HIBADH: variants seen among roughly 807,000 people sequenced by gnomAD.
The protein encoded by HIBADH is 3-hydroxyisobutyrate dehydrogenase, mitochondrial.
In HIBADH, 25 loss-of-function variants were observed where a neutral mutation model predicts 36.1. The observed-to-expected ratio is 0.69, with a 90% confidence interval of 0.50 to 0.97. The LOEUF (loss-of-function observed/expected upper bound fraction) is 0.97, where lower values mean the gene tolerates loss of function less well. Among genes scored for constraint, HIBADH ranks in the 50% least tolerant of loss-of-function variants. HIBADH has a pLI of 0.00. For missense variants in HIBADH, 421 were observed against 418.0 expected (o/e 1.01, Z -0.06); for synonymous variants, 160 against 149.5 (o/e 1.07, Z -0.51).
chr7:27,542,107 T>C (rs1337165316), intron 5 of HIBADH, among the ~76,000 whole-genome samples: 1 of 152,226 alleles, frequency 6.6e-6, no homozygotes. Context: ...TAAACTAGTA[T>C]CTATCTACAT....
chr7:27,646,759 A>C (rs1337460751), intron 2 of HIBADH, among the ~76,000 whole-genome samples: 2 of 137,010 alleles, frequency 1.5e-5, no homozygotes, highest in Non-Finnish European at 3.0e-5. Flanking sequence ...GCAGTGGTGC[A>C]ATCTCGGCTT....
At chr7:27,632,315 C>A in intron 3 of HIBADH, 21 bp downstream of exon 3, 1 of 1,420,092 alleles carries the variant, frequency 7.0e-7, no homozygotes. Flanking sequence ...AAGAAAATAT[C>A]CACAGGTGAG....
chr7:27,593,464 G>T (rs1306324353), intron 4 of HIBADH, among the ~76,000 whole-genome samples: 2 of 151,828 alleles, frequency 1.3e-5, no homozygotes, highest in East Asian at 1.9e-4. Context: ...ACATAATATT[G>T]GTTGAGGAAA....
At chr7:27,590,965 T>C (rs929420562) in intron 4 of HIBADH, among the ~76,000 whole-genome samples, 10 of 152,184 alleles carry the variant, frequency 6.6e-5, no homozygotes, top group South Asian at 6.2e-4. Context: ...AGACAGGATC[T>C]CAGGAAAAAT....
intron 4 of HIBADH, among the ~76,000 whole-genome samples, chr7:27,605,713 A>G (rs1378726354): frequency 6.6e-6 from 1 of 151,996 alleles, no homozygotes; most frequent in African/African-American, 2.4e-5. Flanking sequence ...CAACCTAAAA[A>G]CAAATATTTA....
intron 4 of HIBADH, among the ~76,000 whole-genome samples, chr7:27,552,199 C>G (rs1784328700): frequency 6.6e-6 from 1 of 152,312 alleles, no homozygotes; most frequent in Non-Finnish European, 1.5e-5. Context: ...TAAGTGATCA[C>G]TGTTTCTGTT....
intron 2 of HIBADH, among the ~76,000 whole-genome samples, chr7:27,634,540 A>G (rs549716976): frequency 1.3e-5 from 2 of 152,334 alleles, no homozygotes; most frequent in South Asian, 4.1e-4. Flanking sequence ...TATACCAAAT[A>G]TATGTTACTT....
intron 4 of HIBADH, among the ~76,000 whole-genome samples, chr7:27,603,074 C>G (rs900675754): frequency 2.0e-5 from 3 of 152,102 alleles, no homozygotes; most frequent in Non-Finnish European, 4.4e-5. Flanking sequence ...CTTGCTCATG[C>G]CCCCTCACCC....
At chr7:27,662,101 A>T (rs1786434225) in intron 1 of HIBADH, among the ~76,000 whole-genome samples, 1 of 152,210 alleles carries the variant, frequency 6.6e-6, no homozygotes, top group African/African-American at 2.4e-5. Flanking sequence ...TAATTTGACA[A>T]AAATGACATT....
At chr7:27,587,979 T>C (rs1389413485) in intron 4 of HIBADH, among the ~76,000 whole-genome samples, 3 of 152,232 alleles carry the variant, frequency 2.0e-5, no homozygotes, top group African/African-American at 7.2e-5. Context: ...GTAATGTCTG[T>C]TTATGAATCA....
intron 4 of HIBADH, among the ~76,000 whole-genome samples, chr7:27,547,315 G>GA (rs1364347262): frequency 2.0e-5 from 3 of 152,156 alleles, no homozygotes; most frequent in Non-Finnish European, 4.4e-5. Context: ...CACCTCTTCA[G>GA]AGAGGCCTTC....
At chr7:27,548,394 G>T (rs1052098838) in intron 4 of HIBADH, among the ~76,000 whole-genome samples, 1 of 151,964 alleles carries the variant, frequency 6.6e-6, no homozygotes, top group Admixed American at 6.6e-5. Flanking sequence ...TGGTTGGGGG[G>T]AGGGAGAAGT....
chr7:27,611,183 C>T (rs370910245), intron 4 of HIBADH, among the ~76,000 whole-genome samples: 2 of 152,162 alleles, frequency 1.3e-5, no homozygotes, highest in Non-Finnish European at 2.9e-5. Flanking sequence ...TAGAACAATA[C>T]AGTTTAGCAA....
intron 4 of HIBADH, among the ~76,000 whole-genome samples, chr7:27,591,475 C>T (rs1423503473): frequency 3.3e-5 from 5 of 151,728 alleles, no homozygotes; most frequent in East Asian, 1.9e-4. Flanking sequence ...GGTGTGAACC[C>T]GGGAGGCGGA....
intron 7 of HIBADH, 126 bp downstream of exon 7, chr7:27,531,066 G>A: frequency 1.1e-6 from 1 of 879,658 alleles, no homozygotes; most frequent in East Asian, 2.5e-5. Flanking sequence ...TTTTCAGTGA[G>A]AGTGAATATT....
At chr7:27,531,401 C>A in intron 6 of HIBADH, 53 bp from the exon 7 acceptor site, 2 of 1,500,510 alleles carry the variant, frequency 1.3e-6, no homozygotes, top group Non-Finnish European at 1.8e-6. Context: ...ACACGTCGTG[C>A]GTGACTTATT....
intron 4 of HIBADH, 110 bp downstream of exon 4, chr7:27,629,261 C>A: frequency 1.9e-6 from 2 of 1,054,056 alleles, no homozygotes; most frequent in South Asian, 2.2e-5. Flanking sequence ...AATGAGAATC[C>A]TGTAACAAGT....
At chr7:27,626,852 G>C (rs1785658187) in intron 4 of HIBADH, among the ~76,000 whole-genome samples, 1 of 152,146 alleles carries the variant, frequency 6.6e-6, no homozygotes, top group East Asian at 1.9e-4. Flanking sequence ...ATGAAGACTT[G>C]GGAGAAAGGG....
intron 4 of HIBADH, among the ~76,000 whole-genome samples, chr7:27,557,200 G>GTT (rs772579939): frequency 3.4e-5 from 5 of 146,958 alleles, no homozygotes; most frequent in African/African-American, 1.2e-4. Flanking sequence ...TGAGCTTAAG[G>GTT]TTTTTTTTTT....
Sources: gnomAD v4.1 joint callset for allele counts (sites outside exome capture counted in the v4.1 genomes callset) on GRCh38, gnomAD v4.1.1 for gene constraint, MANE v1.5 for transcripts, NCBI Gene and HGNC (gene_info 2026-07-23, HGNC 2026-07-21) for gene names.